The following TGFB2 variants were observed in gnomAD, a reference collection of about 807,000 sequenced individuals.
TGFB2 encodes the protein transforming growth factor beta 2.
Under a neutral mutation model 42.7 loss-of-function variants are expected in TGFB2, and 13 were observed. The observed-to-expected ratio is 0.30, with a 90% CI of 0.20 to 0.48. TGFB2 has a LOEUF of 0.48. TGFB2 is among the 20% of genes least tolerant of loss of function. TGFB2 has a pLI of 0.99. For missense variants in TGFB2, 390 were observed against 517.5 expected, an observed-to-expected ratio of 0.75 and a Z score of 2.39; for synonymous variants, 193 against 193.6, an observed-to-expected ratio of 1.00 and a Z score of 0.03.
intron 6 of TGFB2, 137 bp from the exon 7 acceptor site, chr1:218,441,066 GA>G: frequency 1.3e-6 from 1 of 761,668 alleles, no homozygotes. Context: ...TGTAATTTAG[GA>G]AATTAGCAAC....
intron 1 of TGFB2, among the ~76,000 whole-genome samples, chr1:218,397,372 G>C (rs536833983): frequency 3.9e-5 from 6 of 151,930 alleles, no homozygotes; most frequent in African/African-American, 1.4e-4. Flanking sequence ...GACCATCCTG[G>C]CTAACACGGT....
At chr1:218,404,230 A>C (rs920333685) in intron 1 of TGFB2, among the ~76,000 whole-genome samples, 8 of 152,116 alleles carry the variant, frequency 5.3e-5, no homozygotes, top group African/African-American at 2.4e-5. Context: ...CTCCTGCCTC[A>C]GTCTCCGGAG....
intron 1 of TGFB2, among the ~76,000 whole-genome samples, chr1:218,404,051 CAAAAAAAA>C (rs35450089): frequency 3.0e-5 from 3 of 99,764 alleles, no homozygotes; most frequent in East Asian, 6.1e-4. Context: ...TGGCAGATTA[CAAAAAAAA>C]AAAAAAAAAA....
At chr1:218,399,082 T>A (rs1335117418) in intron 1 of TGFB2, among the ~76,000 whole-genome samples, 1 of 152,136 alleles carries the variant, frequency 6.6e-6, no homozygotes, top group East Asian at 1.9e-4. Context: ...TGGGGTCTTG[T>A]CTTGCTTTGT....
At chr1:218,369,256 G>GAAAA (rs34825461) in intron 1 of TGFB2, among the ~76,000 whole-genome samples, 6 of 35,658 alleles carry the variant, frequency 1.7e-4, no homozygotes, top group Non-Finnish European at 2.1e-4. Flanking sequence ...TTCCGTCTCA[G>GAAAA]AAAAAAAAAA....
chr1:218,363,435 C>T (rs1470048406), intron 1 of TGFB2: 5 of 1,605,914 alleles, frequency 3.1e-6, no homozygotes, highest in Non-Finnish European at 4.3e-6. Context: ...CACTTGTCTG[C>T]TTTATTCCTC....
chr1:218,364,894 C>T (rs1406924075), intron 1 of TGFB2, among the ~76,000 whole-genome samples: 1 of 152,148 alleles, frequency 6.6e-6, no homozygotes, highest in Non-Finnish European at 1.5e-5. Context: ...TTTTTATACT[C>T]TAAATTCTAA....
At chr1:218,363,446 G>A (rs755408070) in intron 1 of TGFB2, 31 of 1,587,544 alleles carry the variant, frequency 2.0e-5, no homozygotes, top group Middle Eastern at 1.7e-4. Flanking sequence ...TTTATTCCTC[G>A]TTTGACATAG....
At chr1:218,387,118 A>C (rs1658162690) in intron 1 of TGFB2, among the ~76,000 whole-genome samples, 1 of 152,152 alleles carries the variant, frequency 6.6e-6, no homozygotes, top group African/African-American at 2.4e-5. Context: ...AGAATTTGCC[A>C]AATGTAAAGG....
chr1:218,379,134 T>C (rs199959478), intron 1 of TGFB2, among the ~76,000 whole-genome samples: 22,818 of 145,580 alleles, frequency 0.16, 2,288 homozygotes, highest in South Asian at 0.24. Context: ...TTCTTTCTTT[T>C]TTTTTTTTCT....
At chr1:218,385,783 T>A (rs187253413) in intron 1 of TGFB2, among the ~76,000 whole-genome samples, 12 of 152,360 alleles carry the variant, frequency 7.9e-5, no homozygotes, top group Non-Finnish European at 1.2e-4. Context: ...GGAGGAAAAC[T>A]GAAGAATTAA....
At position 218,346,879 on chromosome 1, in the gene TGFB2, C is replaced by T; in HGVS notation, c.178C>T (p.Pro60Ser). Reference protein sequence around the residue: ...LTSPPEDYPEPEEVPPEVISI... With the variant: ...LTSPPEDYPESEEVPPEVISI... ...CAGTCCCCCAGAAGACTATCCTGAG[C>T]CCGAGGAAGTCCCCCCGGAGGTGAT... Residue 60 changes from proline (P) to serine (S), a missense_variant, in exon 1 of 7, where the codon CCC becomes TCC. Coordinates refer to ENST00000366930, the MANE Select transcript of TGFB2 (RefSeq NM_003238.6). The surrounding 1 kb of genome is among the most constrained non-coding windows in gnomAD (Gnocchi z 4.9). 2 of 1,614,148 alleles carry T rather than the reference C, an allele frequency of 1.2e-6. No homozygotes were observed. The highest frequency in any genetic ancestry group is 1.1e-5 in the South Asian group (1 of 91,086).
intron 2 of TGFB2, among the ~76,000 whole-genome samples, chr1:218,409,651 G>A (rs1466184631): frequency 6.8e-6 from 1 of 147,506 alleles, no homozygotes; most frequent in African/African-American, 2.5e-5. Flanking sequence ...CAAAATTGCT[G>A]AAATATTATT....
At chr1:218,402,143 G>C (rs977706244) in intron 1 of TGFB2, among the ~76,000 whole-genome samples, 1 of 152,174 alleles carries the variant, frequency 6.6e-6, no homozygotes, top group Non-Finnish European at 1.5e-5. Flanking sequence ...GGCTCCTCCC[G>C]GCCTGGTCGC....
intron 1 of TGFB2, among the ~76,000 whole-genome samples, chr1:218,404,368 C>G (rs1053216568): frequency 1.4e-4 from 22 of 152,224 alleles, no homozygotes; most frequent in Non-Finnish European, 2.6e-4. Flanking sequence ...CCCACCTCAG[C>G]CTCCCAAAGT....
Position 218,434,126 on chromosome 1 carries a change from C to T in TGFB2, c.555C>T (p.Ile185=), listed in dbSNP as rs760740958. ...TAACATCTCCAACCCAGCGCTACAT[C>T]GACAGCAAAGTTGTGAAAACAAGAG... is the stretch of plus-strand genomic sequence containing the variant. ...KDLTSPTQRY[I]DSKVVKTRAE... The change falls in exon 3 of 7, where the codon ATC becomes ATT. Residue 185 remains isoleucine, a synonymous_variant. Coordinates refer to ENST00000366930, the MANE Select transcript of TGFB2 (RefSeq NM_003238.6). 9.9e-6 allele frequency: 16 copies of T among 1,614,056 alleles called. No homozygotes were observed. Among genetic ancestry groups the T allele is most frequent in the African/African-American group, 9.3e-5 (7 of 74,914 alleles).
intron 1 of TGFB2, among the ~76,000 whole-genome samples, chr1:218,368,695 A>C (rs1187365550): frequency 6.6e-6 from 1 of 152,212 alleles, no homozygotes; most frequent in Non-Finnish European, 1.5e-5. Context: ...AAGGGAGTGC[A>C]TGTAAGCAGA....
intron 2 of TGFB2, among the ~76,000 whole-genome samples, chr1:218,413,714 T>C (rs1571882748): frequency 6.6e-6 from 1 of 152,316 alleles, no homozygotes; most frequent in East Asian, 1.9e-4. Context: ...GGAGCATCTG[T>C]AAAATAAAAT....
chr1:218,433,890 C>T (rs983618545), intron 2 of TGFB2, among the ~76,000 whole-genome samples, 192 bp from the exon 3 acceptor site: 8 of 152,166 alleles, frequency 5.3e-5, no homozygotes, highest in Non-Finnish European at 1.0e-4. Flanking sequence ...GATTTAGTAG[C>T]TATTTTTTCA....
Sources: allele counts gnomAD v4.1 joint callset (sites outside exome capture counted in the v4.1 genomes callset), GRCh38; gene constraint gnomAD v4.1.1; non-coding constraint Gnocchi (gnomAD v3.1); transcripts MANE v1.5; gene names NCBI Gene and HGNC (gene_info 2026-07-23, HGNC 2026-07-21).